MAGI2: variants seen among roughly 807,000 people sequenced by gnomAD.
The protein encoded by MAGI2 is membrane associated guanylate kinase, WW and PDZ domain containing 2, also known as membrane-associated guanylate kinase, WW and PDZ domain-containing protein 2.
In MAGI2, 35 loss-of-function variants were observed where a neutral mutation model predicts 133.3. The observed-to-expected ratio is 0.26, with a 90% CI of 0.20 to 0.35. The LOEUF is 0.35. MAGI2 is among the 10% of genes least tolerant of loss of function. MAGI2 has a pLI of 1.00. For synonymous variants in MAGI2, 729 were observed against 710.6 expected, an observed-to-expected ratio of 1.03 and a Z score of -0.41; for missense variants, 1,636 against 1,863.4, an observed-to-expected ratio of 0.88 and a Z score of 2.25.
chr7:78,617,599 A>G (rs1484225507), intron 3 of MAGI2: 1 of 152,100 alleles, frequency 6.6e-6, no homozygotes, highest in East Asian at 1.9e-4. Flanking sequence ...AATATTCTAT[A>G]ACATGATTGC....
chr7:78,788,125 C>A (rs1826982201), intron 2 of MAGI2, among the ~76,000 whole-genome samples: 1 of 152,146 alleles, frequency 6.6e-6, no homozygotes, highest in Non-Finnish European at 1.5e-5. Context: ...CTAGGTGACA[C>A]CAAATGGACT....
chr7:78,727,480 C>A (rs1413320110), intron 2 of MAGI2, among the ~76,000 whole-genome samples: 2 of 152,188 alleles, frequency 1.3e-5, no homozygotes, highest in African/African-American at 4.8e-5. Context: ...ACTTTCAAGG[C>A]AATTGTGTAG....
chr7:78,468,047 C>G (rs1790820030), intron 6 of MAGI2, among the ~76,000 whole-genome samples: 1 of 152,066 alleles, frequency 6.6e-6, no homozygotes, highest in Admixed American at 6.6e-5. Context: ...CCATTAACAA[C>G]TTACCTATTC....
chr7:78,895,179 T>A (rs866347784), intron 2 of MAGI2, among the ~76,000 whole-genome samples: 1 of 152,106 alleles, frequency 6.6e-6, no homozygotes, highest in Non-Finnish European at 1.5e-5. Context: ...TGGACTGTTA[T>A]AAAAGCCAGG....
At chr7:78,872,033 C>T (rs933917914) in intron 2 of MAGI2, among the ~76,000 whole-genome samples, 1 of 151,570 alleles carries the variant, frequency 6.6e-6, no homozygotes, top group Non-Finnish European at 1.5e-5. Flanking sequence ...CTTTGAACAA[C>T]CTTTTTTTTT....
intron 1 of MAGI2, among the ~76,000 whole-genome samples, chr7:79,304,948 T>C (rs1210447802): frequency 6.6e-6 from 1 of 152,136 alleles, no homozygotes; most frequent in Non-Finnish European, 1.5e-5. Flanking sequence ...GGAAGTCTAG[T>C]GCATGATCAG....
intron 7 of MAGI2, among the ~76,000 whole-genome samples, chr7:78,360,852 A>T (rs537392268): frequency 6.6e-6 from 1 of 152,176 alleles, no homozygotes; most frequent in Non-Finnish European, 1.5e-5. Flanking sequence ...TCATGGTCCT[A>T]TAAAAATGAT....
intron 1 of MAGI2, among the ~76,000 whole-genome samples, chr7:79,381,960 A>G (rs1585778359): frequency 6.6e-6 from 1 of 151,802 alleles, no homozygotes; most frequent in East Asian, 1.9e-4. Context: ...CTTATTAGTT[A>G]TTTTCTAAAA....
intron 6 of MAGI2, among the ~76,000 whole-genome samples, chr7:78,383,336 G>C (rs1489876126): frequency 6.6e-6 from 1 of 151,996 alleles, no homozygotes; most frequent in Non-Finnish European, 1.5e-5. Context: ...TCTCACTGTG[G>C]TTTTTATACG....
Position 79,453,528 on chromosome 7 carries a change from G to A in MAGI2, c.-208C>T. The A allele has an allele frequency of 7.3e-7, 1 of 1,376,438 alleles. No individual in the cohort carries two copies. Among genetic ancestry groups the A allele is most frequent in the East Asian group, 2.8e-5 (1 of 35,900 alleles). The allele number at this position is 1,376,438 out of a possible 1,614,324, so 85.3% of individuals were successfully genotyped here. A position where few individuals can be genotyped will look rare whatever the true frequency, so the allele number is the denominator to read the frequency against. ...GAGAGGGACGGCTGGGCAGAGGTAG[G>A]AGAGCTTGGATGAGGTTGTGCTGTC... On this transcript the variant is annotated 5_prime_UTR_variant, in exon 1 of 22. Transcript: ENST00000354212.
At chr7:78,442,156 G>A (rs1040642898) in intron 6 of MAGI2, among the ~76,000 whole-genome samples, 4 of 152,124 alleles carry the variant, frequency 2.6e-5, no homozygotes, top group African/African-American at 7.2e-5. Flanking sequence ...AAGGAAGCAG[G>A]ACTCCATTTC....
intron 1 of MAGI2, among the ~76,000 whole-genome samples, chr7:79,134,392 A>C (rs1270873941): frequency 6.6e-6 from 1 of 152,144 alleles, no homozygotes; most frequent in Admixed American, 6.6e-5. Flanking sequence ...TTACTCCTAA[A>C]TCTTCAACTC....
At chr7:78,666,309 T>C (rs528972137) in intron 2 of MAGI2, among the ~76,000 whole-genome samples, 16 of 152,052 alleles carry the variant, frequency 1.1e-4, no homozygotes, top group African/African-American at 3.6e-4. Flanking sequence ...GAAACAAATA[T>C]CTTAATGAGG....
In MAGI2 at chr7:78,420,736, C is replaced by T. The variant is rs550658088; in HGVS notation, c.1046-51523G>A. ...GATGATCACTATGCCAAAATTTTAC[C>T]TAGCAGTACTGCCCATATCCTGGCC... On this transcript the variant is annotated intron_variant, in intron 6 of 21. Transcript: ENST00000354212. Among the ~76,000 whole-genome samples the T allele has an allele frequency of 6.6e-5, 10 of 152,132 alleles. No homozygotes were observed. The South Asian group carries it at 2.1e-3, about 32-fold the overall frequency.
At chr7:79,416,719 C>CTTTTTATTTTTTT (rs1169090958) in intron 1 of MAGI2, among the ~76,000 whole-genome samples, 1 of 99,270 alleles carries the variant, frequency 1.0e-5, no homozygotes, top group African/African-American at 4.5e-5. Context: ...CTTTTCTTTT[C>CTTTTTATTTTTTT]TTTTTCTTTT....
rs1235085847 is a variant in MAGI2, at chr7:79,336,295, A to G, written c.301+116725T>C. On this transcript the variant is annotated intron_variant, in intron 1 of 21. Transcript: ENST00000354212. ...CACACTACTATTAAGAGGCTCTGAC[A>G]GGATTTGAGGCTTATTCTGCCCAAC... 6.6e-5 allele frequency among the ~76,000 whole-genome samples: 10 copies of G among 152,242 alleles called. No individual in the cohort carries two copies. In the South Asian group the frequency reaches 1.4e-3, roughly 22 times the overall value.
chr7:79,110,373 G>T (rs1818828652), intron 1 of MAGI2, among the ~76,000 whole-genome samples: 2 of 152,152 alleles, frequency 1.3e-5, no homozygotes, highest in Admixed American at 6.5e-5. Context: ...TACCCTTGCT[G>T]CAGTGTGCCC....
chr7:78,992,705 G>A (rs951269340), intron 2 of MAGI2, among the ~76,000 whole-genome samples: 11 of 151,952 alleles, frequency 7.2e-5, no homozygotes, highest in Admixed American at 5.9e-4. Context: ...TTTTATTTGT[G>A]TGTACATTTT....
At chr7:78,905,503 A>G (rs1016914934) in intron 2 of MAGI2, among the ~76,000 whole-genome samples, 1 of 152,184 alleles carries the variant, frequency 6.6e-6, no homozygotes, top group African/African-American at 2.4e-5. Flanking sequence ...TATTTAGTGC[A>G]TTGCCTGGCA....
Sources: gnomAD v4.1 joint callset for allele counts (sites outside exome capture counted in the v4.1 genomes callset) on GRCh38, gnomAD v4.1.1 for gene constraint, MANE v1.5 for transcripts, NCBI Gene and HGNC (gene_info 2026-07-23, HGNC 2026-07-21) for gene names.